The following BAIAP2L1 variants were observed in gnomAD, a reference collection of about 807,000 sequenced individuals.
BAIAP2L1 encodes the protein BAR/IMD domain-containing adapter protein 2-like 1.
A neutral mutation model predicts 66.3 loss-of-function variants in BAIAP2L1; 35 were observed. The observed-to-expected ratio is 0.53, with a 90% CI of 0.40 to 0.70. BAIAP2L1 has a LOEUF of 0.70. Ranked by LOEUF, BAIAP2L1 falls within the 30% of genes least tolerant of loss-of-function variation. BAIAP2L1 has a pLI of 0.00. For missense variants in BAIAP2L1, 622 were observed against 656.9 expected (o/e 0.95, Z 0.58); for synonymous variants, 269 against 248.7 (o/e 1.08, Z -0.77).
intron 1 of BAIAP2L1, among the ~76,000 whole-genome samples, chr7:98,372,082 T>G (rs1802522910): frequency 6.6e-6 from 1 of 151,238 alleles, no homozygotes; most frequent in Non-Finnish European, 1.5e-5. Flanking sequence ...GCGTGAGCCA[T>G]CGCGCCCGGC....
chr7:98,320,040 G>A lies in BAIAP2L1; in HGVS notation c.348+18C>T. 1 of 1,606,924 alleles carries A rather than the reference G, an allele frequency of 6.2e-7. No homozygotes were observed. Among genetic ancestry groups the A allele is most frequent in the East Asian group, 2.2e-5 (1 of 44,812 alleles). On this transcript the variant is annotated intron_variant, in intron 5 of 13. Coordinates refer to ENST00000005260, the MANE Select transcript of BAIAP2L1 (RefSeq NM_018842.5). ...CAGGCAGCCCAAGGCTGGGGCTGGA[G>A]GAAAACCATGCACTTACGTTCATAT...
chr7:98,351,404 A>G (rs1801997302), intron 3 of BAIAP2L1, among the ~76,000 whole-genome samples: 1 of 152,146 alleles, frequency 6.6e-6, no homozygotes, highest in Non-Finnish European at 1.5e-5. Context: ...ATCCTCTCTG[A>G]CCTGGTGTTC....
chr7:98,328,553 G>C (rs1204184289), intron 3 of BAIAP2L1, among the ~76,000 whole-genome samples: 1 of 151,888 alleles, frequency 6.6e-6, no homozygotes, highest in African/African-American at 2.4e-5. Flanking sequence ...CAGACACGTG[G>C]AGCAGATGGG....
At chr7:98,355,003 G>A (rs1802086922) in intron 3 of BAIAP2L1, 39 bp downstream of exon 3, 1 of 1,479,038 alleles carries the variant, frequency 6.8e-7, no homozygotes, top group Non-Finnish European at 9.4e-7. Flanking sequence ...TTCACAGGAT[G>A]ACAAGTGGGG....
intron 3 of BAIAP2L1, among the ~76,000 whole-genome samples, chr7:98,343,628 C>T (rs7357240): frequency 6.6e-6 from 1 of 152,112 alleles, no homozygotes; most frequent in Non-Finnish European, 1.5e-5. Flanking sequence ...GTTAATGCAC[C>T]TTAAATCCAG....
chr7:98,307,756 C>T lies in BAIAP2L1; in HGVS notation c.1096G>A (p.Val366Ile). The T allele has an allele frequency of 1.2e-6, 2 of 1,614,260 alleles. No individual in the cohort carries two copies. Among genetic ancestry groups the T allele is most frequent in the Non-Finnish European group, 1.7e-6 (2 of 1,180,046 alleles). Residue 366 changes from valine to isoleucine, a missense_variant, in exon 10 of 14, where the codon GTC becomes ATC. Physicochemically the swap from Val to Ile is conservative, Grantham distance 29 (BLOSUM62 3). Transcript: ENST00000005260. ...KTLLSFAQGDVITLLIPEEKD... is the reference protein window; with the variant it reads ...KTLLSFAQGDIITLLIPEEKD... ...TCCTCGGGGATGAGCAGCGTGATGACATCTCCCTGTGCAAAGCTGAGTAAG... is the reference window on the plus strand; with the variant it reads ...TCCTCGGGGATGAGCAGCGTGATGATATCTCCCTGTGCAAAGCTGAGTAAG...
intron 3 of BAIAP2L1, among the ~76,000 whole-genome samples, chr7:98,340,827 C>T (rs1257845508): frequency 6.8e-6 from 1 of 147,060 alleles, no homozygotes; most frequent in Non-Finnish European, 1.5e-5. Flanking sequence ...CAGAGTTTCA[C>T]TCTGTCACTC....
At chr7:98,365,573 T>C (rs535031317) in intron 1 of BAIAP2L1, among the ~76,000 whole-genome samples, 2 of 152,276 alleles carry the variant, frequency 1.3e-5, no homozygotes, top group Admixed American at 1.3e-4. Context: ...CAGGCTCAAG[T>C]GATCCTCGTG....
chr7:98,393,797 C>T (rs1183921336), intron 1 of BAIAP2L1, among the ~76,000 whole-genome samples: 1 of 143,348 alleles, frequency 7.0e-6, no homozygotes, highest in Non-Finnish European at 1.5e-5. Flanking sequence ...TGTAACTTTT[C>T]TTGAAAATGT....
intron 1 of BAIAP2L1, among the ~76,000 whole-genome samples, chr7:98,369,061 T>TC (rs1802453147): frequency 6.6e-6 from 1 of 151,448 alleles, no homozygotes; most frequent in Non-Finnish European, 1.5e-5. Flanking sequence ...TTTTTTTTTT[T>TC]CAGAACAGCT....
chr7:98,371,229 G>C (rs1802504243), intron 1 of BAIAP2L1, among the ~76,000 whole-genome samples: 1 of 152,194 alleles, frequency 6.6e-6, no homozygotes, highest in East Asian at 1.9e-4. Context: ...CAATAGCTTA[G>C]TCTATATCTC....
chr7:98,319,787 G>A (rs1474449837), intron 5 of BAIAP2L1, among the ~76,000 whole-genome samples: 1 of 152,172 alleles, frequency 6.6e-6, no homozygotes, highest in African/African-American at 2.4e-5. Flanking sequence ...CTGACCTCAA[G>A]TGATCCGCCT....
chr7:98,361,005 CGA>C (rs1323954290), intron 2 of BAIAP2L1, among the ~76,000 whole-genome samples: 1 of 152,102 alleles, frequency 6.6e-6, no homozygotes, highest in African/African-American at 2.4e-5. Context: ...TCATGCTGAG[CGA>C]GAGTGAGGCC....
At chr7:98,349,341 CA>C (rs1016484216) in intron 3 of BAIAP2L1, among the ~76,000 whole-genome samples, 1 of 152,158 alleles carries the variant, frequency 6.6e-6, no homozygotes, top group African/African-American at 2.4e-5. Flanking sequence ...TGTATGGAAG[CA>C]CGTGGCGCAA....
intron 3 of BAIAP2L1, among the ~76,000 whole-genome samples, chr7:98,353,646 A>G (rs1802055306): frequency 1.4e-5 from 2 of 138,686 alleles, no homozygotes; most frequent in South Asian, 4.2e-4. Flanking sequence ...TATGTATATT[A>G]TATATATTTT....
chr7:98,350,613 C>T (rs1031761309), intron 3 of BAIAP2L1, among the ~76,000 whole-genome samples: 1 of 152,114 alleles, frequency 6.6e-6, no homozygotes. Flanking sequence ...GAGTCAAGAT[C>T]GCGCCACTGC....
At chr7:98,379,556 C>G (rs1034600419) in intron 1 of BAIAP2L1, among the ~76,000 whole-genome samples, 3 of 152,162 alleles carry the variant, frequency 2.0e-5, no homozygotes, top group African/African-American at 7.2e-5. Flanking sequence ...AATACCAGGG[C>G]TGTCTGTGAA....
At chr7:98,318,301 T>C (rs1177714670) in intron 5 of BAIAP2L1, among the ~76,000 whole-genome samples, 1 of 152,136 alleles carries the variant, frequency 6.6e-6, no homozygotes, top group East Asian at 1.9e-4. Flanking sequence ...CCACCCAAAG[T>C]CTCAAAGTTC....
At chr7:98,314,488 T>G (rs1464849787) in intron 7 of BAIAP2L1, among the ~76,000 whole-genome samples, 3 of 152,104 alleles carry the variant, frequency 2.0e-5, no homozygotes, top group Non-Finnish European at 4.4e-5. Context: ...TTTGGATGTT[T>G]ACAAAGGCCC....
Sources: gnomAD v4.1 joint callset for allele counts (sites outside exome capture counted in the v4.1 genomes callset) on GRCh38, gnomAD v4.1.1 for gene constraint, MANE v1.5 for transcripts, NCBI Gene and HGNC (gene_info 2026-07-23, HGNC 2026-07-21) for gene names.